The following FOCAD variants were observed in gnomAD, a reference collection of about 807,000 sequenced individuals.
FOCAD encodes the protein KIAA1797.
Under a neutral mutation model 225.6 loss-of-function variants are expected in FOCAD, and 198 were observed. The observed-to-expected ratio is 0.88, with a 90% CI of 0.78 to 0.99. The LOEUF is 0.99. Among genes scored for constraint, FOCAD ranks in the 50% least tolerant of loss-of-function variants. The pLI is 0.00. For synonymous variants in FOCAD, 897 were observed against 755.0 expected (o/e 1.19, Z -3.08); for missense variants, 2,713 against 2,123.6 (o/e 1.28, Z -5.46).
At chr9:20,744,793 A>G (rs964917395) in intron 5 of FOCAD, among the ~76,000 whole-genome samples, 2 of 152,232 alleles carry the variant, frequency 1.3e-5, no homozygotes, top group African/African-American at 2.4e-5. Context: ...CAATATAAAT[A>G]AAGTTTTTAT....
intron 3 of FOCAD, among the ~76,000 whole-genome samples, chr9:20,719,623 T>C (rs1825615680): frequency 6.6e-6 from 1 of 152,098 alleles, no homozygotes; most frequent in Admixed American, 6.6e-5. Context: ...GAGAAAGTTA[T>C]AAAAGCTAGA....
intron 11 of FOCAD, among the ~76,000 whole-genome samples, chr9:20,806,461 C>T (rs1023841293): frequency 1.6e-4 from 25 of 152,070 alleles, no homozygotes; most frequent in African/African-American, 5.8e-4. Flanking sequence ...TTCCTCCCTT[C>T]CCCCTCAAAA....
At chr9:20,938,221 C>T (rs929894982) in intron 28 of FOCAD, among the ~76,000 whole-genome samples, 3 of 152,182 alleles carry the variant, frequency 2.0e-5, no homozygotes, top group Admixed American at 2.0e-4. Context: ...CCAGCCATTC[C>T]ATTACTGGGT....
intron 15 of FOCAD, among the ~76,000 whole-genome samples, chr9:20,840,002 C>A (rs569906497): frequency 6.6e-6 from 1 of 152,100 alleles, no homozygotes; most frequent in Non-Finnish European, 1.5e-5. Context: ...CTACTCTATT[C>A]TGTTCCGTTG....
intron 20 of FOCAD, among the ~76,000 whole-genome samples, chr9:20,884,254 G>A (rs1444408844): frequency 6.6e-6 from 1 of 152,000 alleles, no homozygotes; most frequent in Non-Finnish European, 1.5e-5. Context: ...TTTTACATGT[G>A]ATCTTAACTA....
intron 11 of FOCAD, among the ~76,000 whole-genome samples, chr9:20,808,053 A>G (rs1042047643): frequency 1.3e-5 from 2 of 152,066 alleles, no homozygotes; most frequent in African/African-American, 2.4e-5. Context: ...TCTAAGAAAA[A>G]AAAAAAGAAA....
intron 11 of FOCAD, among the ~76,000 whole-genome samples, chr9:20,814,562 G>C (rs1280693426): frequency 6.6e-6 from 1 of 151,944 alleles, no homozygotes; most frequent in African/African-American, 2.4e-5. Context: ...TCACTATGTT[G>C]ACCAGGCTGG....
rs529639398 is a variant in FOCAD, at chr9:20,956,095, G to A, written c.4132+3030G>A. ...TTTCTTTCTTGATATGGGCTAATTGGTCAGTGATCTGCGTGTGTAAGTATT... is the reference window on the plus strand; with the variant it reads ...TTTCTTTCTTGATATGGGCTAATTGATCAGTGATCTGCGTGTGTAAGTATT... On this transcript the variant is annotated intron_variant, in intron 35 of 43. Transcript: ENST00000338382. Among the ~76,000 whole-genome samples, 6 of 152,278 alleles carry A rather than the reference G, an allele frequency of 3.9e-5. No homozygotes were observed. The South Asian group carries it at 8.3e-4, about 21-fold the overall frequency.
intron 11 of FOCAD, among the ~76,000 whole-genome samples, chr9:20,806,215 C>T (rs1822434945): frequency 6.6e-6 from 1 of 152,092 alleles, no homozygotes; most frequent in African/African-American, 2.4e-5. Context: ...AGAAAGAAGC[C>T]TAATATAGAT....
chr9:20,731,921 A>G lies in FOCAD; in HGVS notation c.288-8315A>G, dbSNP rs577148638. ...TGTGAGCCACTATACCTGGCCAATT[A>G]AACATATTTATTGAGTATATTTATT... On this transcript the variant is annotated intron_variant, in intron 4 of 43. Coordinates refer to ENST00000338382, the MANE Select transcript of FOCAD (RefSeq NM_001375567.1). 2.6e-5 allele frequency among the ~76,000 whole-genome samples: 4 copies of G among 152,274 alleles called. No individual in the cohort carries two copies. In the South Asian group the frequency reaches 6.2e-4, roughly 24 times the overall value.
chr9:20,964,620 C>T (rs1839085790), intron 35 of FOCAD, among the ~76,000 whole-genome samples: 1 of 151,992 alleles, frequency 6.6e-6, no homozygotes, highest in Non-Finnish European at 1.5e-5. Context: ...ACTGCAACCT[C>T]TTCCTCCTGG....
Position 20,748,111 on chromosome 9 carries a change from A to C in FOCAD, c.392+7771A>C, listed in dbSNP as rs1193797435. 2.6e-5 allele frequency among the ~76,000 whole-genome samples: 4 copies of C among 152,044 alleles called. No homozygotes were observed. In the East Asian group the frequency reaches 7.7e-4, roughly 29 times the overall value. ...TACCTGAAGGGATCTCCTGAGGTAT[A>C]AATGTTTGGTTTTACTTAGCATAAT... On this transcript the variant is annotated intron_variant, in intron 5 of 43. Coordinates refer to ENST00000338382, the MANE Select transcript of FOCAD (RefSeq NM_001375567.1).
At chr9:20,925,951 G>T (rs1030561325) in intron 25 of FOCAD, among the ~76,000 whole-genome samples, 2 of 152,138 alleles carry the variant, frequency 1.3e-5, no homozygotes, top group Non-Finnish European at 2.9e-5. Flanking sequence ...TTTGAATTAT[G>T]TTTTTTGCAC....
At chr9:20,763,806 T>G (rs1180789646) in intron 6 of FOCAD, among the ~76,000 whole-genome samples, 1 of 152,204 alleles carries the variant, frequency 6.6e-6, no homozygotes, top group Admixed American at 6.5e-5. Context: ...AGATACTGTT[T>G]AGGCTAGTTA....
chr9:20,794,590 C>T (rs1035774359), intron 11 of FOCAD, among the ~76,000 whole-genome samples: 4 of 152,104 alleles, frequency 2.6e-5, no homozygotes, highest in African/African-American at 9.7e-5. Flanking sequence ...ATTGTTAGGA[C>T]CGTCTGAAAG....
intron 5 of FOCAD, 30 bp from the exon 6 acceptor site, chr9:20,758,060 G>T: frequency 2.7e-6 from 4 of 1,492,146 alleles, no homozygotes; most frequent in Non-Finnish European, 2.8e-6. Flanking sequence ...CTGAATAACA[G>T]GTTCCCATGT....
chr9:20,968,586 CGTCT>C (rs1564218280), intron 35 of FOCAD, among the ~76,000 whole-genome samples: 4 of 151,518 alleles, frequency 2.6e-5, no homozygotes, highest in Admixed American at 1.3e-4. Context: ...GGATTACAGG[CGTCT>C]GCCACCATGC....
intron 6 of FOCAD, among the ~76,000 whole-genome samples, chr9:20,764,545 G>A (rs761632010): frequency 7.2e-5 from 11 of 152,178 alleles, no homozygotes; most frequent in South Asian, 6.2e-4. Flanking sequence ...GTGAGCCTCC[G>A]TGCCCAGCCC....
chr9:20,981,290 A>C, intron 37 of FOCAD, 136 bp from the exon 38 acceptor site: 1 of 1,031,882 alleles, frequency 9.7e-7, no homozygotes. Context: ...AGCTGTGGGA[A>C]AATGAAGGGG....
Sources: gnomAD v4.1 joint callset for allele counts (sites outside exome capture counted in the v4.1 genomes callset) on GRCh38, gnomAD v4.1.1 for gene constraint, MANE v1.5 for transcripts, NCBI Gene and HGNC (gene_info 2026-07-23, HGNC 2026-07-21) for gene names.